The following RABGAP1L variants were observed in gnomAD, a reference collection of about 807,000 sequenced individuals.
RABGAP1L encodes the protein RAB GTPase activating protein 1 like, also known as rab GTPase-activating protein 1-like.
RABGAP1L carries 63 observed loss-of-function variants against 137.7 expected under a neutral mutation model. The ratio of observed to expected loss-of-function variants is 0.46; its 90% CI spans 0.37 to 0.56. The LOEUF is 0.56. RABGAP1L is among the 20% of genes least tolerant of loss of function. RABGAP1L has a pLI of 0.00. For synonymous variants in RABGAP1L, 431 were observed against 433.7 expected, an observed-to-expected ratio of 0.99 and a Z score of 0.08; for missense variants, 1,095 against 1,244.0, an observed-to-expected ratio of 0.88 and a Z score of 1.80.
chr1:174,417,741 T>C (rs190219268), intron 13 of RABGAP1L, among the ~76,000 whole-genome samples: 24 of 152,280 alleles, frequency 1.6e-4, no homozygotes, highest in African/African-American at 5.5e-4. Context: ...GAATCACATA[T>C]TAATTTACTT....
At chr1:174,910,111 C>T (rs1319279245) in intron 19 of RABGAP1L, among the ~76,000 whole-genome samples, 2 of 152,076 alleles carry the variant, frequency 1.3e-5, no homozygotes, top group Non-Finnish European at 2.9e-5. Flanking sequence ...TGCACTCCAA[C>T]CTGGGTGACA....
At chr1:174,324,508 A>G (rs1207213743) in intron 11 of RABGAP1L, among the ~76,000 whole-genome samples, 2 of 152,186 alleles carry the variant, frequency 1.3e-5, no homozygotes, top group Non-Finnish European at 2.9e-5. Context: ...GGAACACTGA[A>G]ATGGAACTAT....
intron 18 of RABGAP1L, among the ~76,000 whole-genome samples, chr1:174,805,028 AC>A (rs111441476): frequency 3.3e-4 from 50 of 151,910 alleles, no homozygotes. Flanking sequence ...TACTTCTGAT[AC>A]CCCCCAAAAA....
intron 13 of RABGAP1L, among the ~76,000 whole-genome samples, chr1:174,588,795 G>T (rs1669327181): frequency 6.6e-6 from 1 of 151,782 alleles, no homozygotes; most frequent in Non-Finnish European, 1.5e-5. Context: ...CTTTTTTATG[G>T]CTGAATAGTA....
intron 7 of RABGAP1L, among the ~76,000 whole-genome samples, chr1:174,262,051 C>CT: frequency 6.6e-6 from 1 of 152,326 alleles, no homozygotes; most frequent in African/African-American, 2.4e-5. Flanking sequence ...GGATAACTCT[C>CT]TTTTTCCATA....
At chr1:174,961,402 T>G (rs1283086999) in intron 20 of RABGAP1L, among the ~76,000 whole-genome samples, 2 of 152,216 alleles carry the variant, frequency 1.3e-5, no homozygotes, top group African/African-American at 4.8e-5. Flanking sequence ...AGAGATGAAT[T>G]GTTTCTGTTG....
chr1:174,741,187 T>G (rs1683377860), intron 17 of RABGAP1L, among the ~76,000 whole-genome samples: 1 of 152,150 alleles, frequency 6.6e-6, no homozygotes, highest in African/African-American at 2.4e-5. Context: ...CCCTAGATTT[T>G]TTCTTCTAAT....
At chr1:174,702,332 T>G in intron 17 of RABGAP1L, 76 bp downstream of exon 17, 1 of 1,332,804 alleles carries the variant, frequency 7.5e-7, no homozygotes, top group Non-Finnish European at 1.0e-6. Context: ...TTTTCTTCCT[T>G]TTGTTTTTGC....
At chr1:174,809,677 C>T (rs1689676420) in intron 18 of RABGAP1L, among the ~76,000 whole-genome samples, 1 of 152,194 alleles carries the variant, frequency 6.6e-6, no homozygotes, top group Non-Finnish European at 1.5e-5. Context: ...AGGGTTAATC[C>T]TGTTTCTCCA....
At chr1:174,391,596 C>A (rs1687215205) in intron 12 of RABGAP1L, among the ~76,000 whole-genome samples, 1 of 152,164 alleles carries the variant, frequency 6.6e-6, no homozygotes, top group African/African-American at 2.4e-5. Context: ...CCTGCTTTGG[C>A]CTCCCAAAGT....
intron 20 of RABGAP1L, among the ~76,000 whole-genome samples, chr1:174,959,062 C>T (rs188745700): frequency 2.0e-5 from 3 of 152,288 alleles, no homozygotes; most frequent in African/African-American, 4.8e-5. Context: ...GTTCTTATTT[C>T]TCTCAAGTAT....
chr1:174,830,234 T>C (rs1317864062), intron 19 of RABGAP1L, among the ~76,000 whole-genome samples: 2 of 147,322 alleles, frequency 1.4e-5, no homozygotes, highest in South Asian at 2.2e-4. Flanking sequence ...AAGCCATTCC[T>C]GTAACAATCT....
At chr1:174,190,301 CAA>C (rs57629149) in intron 1 of RABGAP1L, among the ~76,000 whole-genome samples, 21 of 90,234 alleles carry the variant, frequency 2.3e-4, no homozygotes, top group East Asian at 4.2e-4. Context: ...GACTCCGTTG[CAA>C]AAAAAAAAAA....
In RABGAP1L at chr1:174,379,144, A is replaced by T. The variant is rs1410265415; in HGVS notation, c.1559+8072A>T. On this transcript the variant is annotated intron_variant, in intron 12 of 25. Transcript: ENST00000681986. ...GGGCTCTGTTCTGTTCCATTGATCT[A>T]TATCTCTGTTTTGGTACCAGTACCA... 4.2e-3 allele frequency among the ~76,000 whole-genome samples: 628 copies of T among 148,360 alleles called. 7 individuals are homozygous for T. The highest frequency in any genetic ancestry group is 0.015 in the African/African-American group (592 of 39,834).
chr1:174,580,255 A>G (rs1668637007), intron 13 of RABGAP1L, among the ~76,000 whole-genome samples: 2 of 152,184 alleles, frequency 1.3e-5, no homozygotes, highest in Admixed American at 6.5e-5. Flanking sequence ...GTATTCAGCC[A>G]TTTGACCCAG....
At chr1:174,636,717 A>C (rs139912938) in intron 13 of RABGAP1L, among the ~76,000 whole-genome samples, 3 of 152,288 alleles carry the variant, frequency 2.0e-5, no homozygotes, top group African/African-American at 7.2e-5. Context: ...ACAGATGAGA[A>C]ATACATACTC....
intron 13 of RABGAP1L, among the ~76,000 whole-genome samples, chr1:174,528,423 T>A (rs1293255729): frequency 2.0e-5 from 3 of 152,124 alleles, no homozygotes; most frequent in Non-Finnish European, 4.4e-5. Flanking sequence ...AGCTTTTCTT[T>A]GTCTGGGAAA....
chr1:174,476,050 A>G (rs1053936228), intron 13 of RABGAP1L, among the ~76,000 whole-genome samples: 2 of 152,092 alleles, frequency 1.3e-5, no homozygotes, highest in Non-Finnish European at 2.9e-5. Context: ...GGCTCCAACA[A>G]AGGTTAGCGG....
chr1:174,531,134 G>A (rs577315994), intron 13 of RABGAP1L, among the ~76,000 whole-genome samples: 1 of 152,120 alleles, frequency 6.6e-6, no homozygotes, highest in South Asian at 2.1e-4. Context: ...TTTATGTGAA[G>A]TATAAGAATA....
Sources: gnomAD v4.1 joint callset for allele counts (sites outside exome capture counted in the v4.1 genomes callset) on GRCh38, gnomAD v4.1.1 for gene constraint, MANE v1.5 for transcripts, NCBI Gene and HGNC (gene_info 2026-07-23, HGNC 2026-07-21) for gene names.